PARK7: variants seen among roughly 807,000 people sequenced by gnomAD.
PARK7 encodes Parkinson disease protein 7.
PARK7 carries 14 observed loss-of-function variants against 20.5 expected under a neutral mutation model. The ratio of observed to expected loss-of-function variants is 0.68; its 90% confidence interval spans 0.45 to 1.07. PARK7 has a LOEUF of 1.07. PARK7 is among the 50% of genes least tolerant of loss of function. The pLI, the probability that PARK7 is intolerant of heterozygous loss-of-function variation, is 0.00. For synonymous variants in PARK7, 98 were observed against 84.3 expected (o/e 1.16, Z -0.89); for missense variants, 234 against 238.1 (o/e 0.98, Z 0.11).
At chr1:7,979,643 G>A (rs1045858618) in intron 6 of PARK7, among the ~76,000 whole-genome samples, 2 of 152,032 alleles carry the variant, frequency 1.3e-5, no homozygotes, top group Admixed American at 1.3e-4. Context: ...TGGAACTATG[G>A]GTATGAGCCA....
intron 5 of PARK7, among the ~76,000 whole-genome samples, chr1:7,976,350 T>TA (rs1177967607): frequency 1.3e-5 from 2 of 152,206 alleles, no homozygotes; most frequent in Non-Finnish European, 2.9e-5. Context: ...GAATACTTTG[T>TA]AAAAAGCTTT....
intron 3 of PARK7, 41 bp from the exon 4 acceptor site, chr1:7,969,304 A>G (rs769095331): frequency 7.9e-6 from 12 of 1,521,672 alleles, no homozygotes; most frequent in Admixed American, 1.7e-5. Flanking sequence ...CACAGTTGAA[A>G]TGAAATGTTT....
At chr1:7,974,142 A>AC (rs1377314296) in intron 5 of PARK7, among the ~76,000 whole-genome samples, 2 of 137,956 alleles carry the variant, frequency 1.4e-5, no homozygotes. Context: ...AGACCCCCCC[A>AC]CCGACCTCTA....
chr1:7,974,144 C>A, intron 5 of PARK7, among the ~76,000 whole-genome samples: 1 of 147,842 alleles, frequency 6.8e-6, no homozygotes, highest in South Asian at 2.2e-4. Context: ...ACCCCCCCAC[C>A]GACCTCTACA....
chr1:7,981,432 C>T lies in PARK7; in HGVS notation c.410-3462C>T, dbSNP rs904438225. Among the ~76,000 whole-genome samples the T allele has an allele frequency of 6.6e-5, 10 of 152,326 alleles. No homozygotes were observed. The South Asian group carries it at 1.9e-3, about 28-fold the overall frequency. On this transcript the variant is annotated intron_variant, in intron 6 of 6. Transcript: ENST00000338639. ...CCTGGGATTTGAACCCAGAACTCTG[C>T]TCAGGGGTCAACTGACTGCTCCCCA...
In PARK7 at chr1:7,970,785, A is replaced by G. The variant is rs113745000; in HGVS notation, c.253-109A>G. The G allele has an allele frequency of 3.9e-3, 3,861 of 979,250 alleles. 95 individuals carry two copies. The African/African-American group carries it at 0.052, about 13-fold the overall frequency. The allele number at this position is 979,250 out of a possible 1,614,324, so 60.7% of individuals were successfully genotyped here. On this transcript the variant is annotated intron_variant, in intron 4 of 6. Transcript: ENST00000338639. ...TAGAAATATTGTTGGAAAATAGGTC[A>G]GAGAGCTTGTGGTTTAAACTAAAAT...
Position 7,965,317 on chromosome 1 carries a change from C to A in PARK7, c.91-7C>A. 1.2e-6 allele frequency: 2 copies of A among 1,610,548 alleles called. No individual in the cohort carries two copies. The highest frequency in any genetic ancestry group is 1.7e-6 in the Non-Finnish European group (2 of 1,176,888). On this transcript the variant is annotated splice_region_variant and splice_polypyrimidine_tract_variant and intron_variant, in intron 2 of 6. Transcript: ENST00000338639. ...TGTTCTTAAATATGATAACATCTTT[C>A]TCGTAGATTAAGGTCACCGTTGCAG...
intron 6 of PARK7, among the ~76,000 whole-genome samples, chr1:7,980,098 T>G (rs1640679829): frequency 6.6e-6 from 1 of 150,816 alleles, no homozygotes; most frequent in Non-Finnish European, 1.5e-5. Context: ...GAGGTGGAGC[T>G]TGCAGTGAGC....
rs138655792 is a variant in PARK7, at chr1:7,967,393, C to T, written c.193-1952C>T. Among the ~76,000 whole-genome samples, 50 of 152,226 alleles carry T rather than the reference C, an allele frequency of 3.3e-4. No homozygotes were observed. The Middle Eastern group carries it at 0.014, about 41-fold the overall frequency. Reference sequence around the variant, plus strand: ...AGTAAACAAGGGAGTGCAGGTGTCTCTTCAGTATACTGATTTCCTTTCCAT... The same window carrying T: ...AGTAAACAAGGGAGTGCAGGTGTCTTTTCAGTATACTGATTTCCTTTCCAT... On this transcript the variant is annotated intron_variant, in intron 3 of 6. Transcript: ENST00000338639.
At chr1:7,971,201 TG>T in intron 5 of PARK7, 1 of 567,396 alleles carries the variant, frequency 1.8e-6, no homozygotes, top group South Asian at 1.9e-5. Context: ...TTTCCGTGTT[TG>T]GTTGACCTCG....
chr1:7,975,400 C>T (rs1640561801), intron 5 of PARK7, among the ~76,000 whole-genome samples: 1 of 152,086 alleles, frequency 6.6e-6, no homozygotes, highest in Non-Finnish European at 1.5e-5. Context: ...GTCTTGGCCA[C>T]CTGGAGGAGC....
chr1:7,975,229 T>C (rs1423866358), intron 5 of PARK7, among the ~76,000 whole-genome samples: 1 of 152,134 alleles, frequency 6.6e-6, no homozygotes, highest in Non-Finnish European at 1.5e-5. Flanking sequence ...GTCCTTAATA[T>C]TGAGTGAATG....
In PARK7 at chr1:7,965,313, C is replaced by A; in HGVS notation, c.91-11C>A. 1 of 1,608,926 alleles carries A rather than the reference C, an allele frequency of 6.2e-7. No individual in the cohort carries two copies. Reference sequence around the variant, plus strand: ...TCAGTGTTCTTAAATATGATAACATCTTTCTCGTAGATTAAGGTCACCGTT... The same window carrying A: ...TCAGTGTTCTTAAATATGATAACATATTTCTCGTAGATTAAGGTCACCGTT... On this transcript the variant is annotated splice_polypyrimidine_tract_variant and intron_variant, in intron 2 of 6. Transcript: ENST00000338639.
intron 3 of PARK7, among the ~76,000 whole-genome samples, chr1:7,967,008 CTA>C (rs1640344497): frequency 6.6e-6 from 1 of 152,154 alleles, no homozygotes; most frequent in South Asian, 2.1e-4. Flanking sequence ...ACACCAGAAC[CTA>C]TTCCTCCTAT....
In PARK7 at chr1:7,969,483, T is replaced by TC. The variant is rs141737779; in HGVS notation, c.252+80dup. On this transcript the variant is annotated intron_variant, in intron 4 of 6. Coordinates refer to ENST00000338639, the MANE Select transcript of PARK7 (RefSeq NM_007262.5). Reference sequence around the variant, plus strand: ...AAAGAATTTCAGCATCTGCTTATGTTCTGTTAATTTTGTTATTATTCAAAT... The same window carrying TC: ...AAAGAATTTCAGCATCTGCTTATGTTCCTGTTAATTTTGTTATTATTCAAAT... 25,040 of 981,688 alleles carry TC rather than the reference T, an allele frequency of 0.026. 919 individuals carry two copies. The highest frequency in any genetic ancestry group is 0.098 in the South Asian group (7,010 of 71,356). The allele number at this position is 981,688 out of a possible 1,614,324, so 60.8% of individuals were successfully genotyped here.
At position 7,964,438 on chromosome 1, in the gene PARK7, A is replaced by G. The variant is rs141492675; in HGVS notation, c.91-886A>G. ...TCCTCTGGTTCTCAGAAATGAAGAT[A>G]CATGTCGATTAAGTTTATCCACTTA... On this transcript the variant is annotated intron_variant, in intron 2 of 6. Transcript: ENST00000338639. Among the ~76,000 whole-genome samples the G allele has an allele frequency of 6.1e-3, 922 of 152,324 alleles. 14 individuals carry two copies. Among genetic ancestry groups the G allele is most frequent in the African/African-American group, 0.021 (882 of 41,574 alleles).
rs752054816 is a variant in PARK7 at position 7,977,647 on chromosome 1, C to G, written c.323-5C>G. 4.3e-6 allele frequency: 7 copies of G among 1,612,350 alleles called. No homozygotes were observed. The South Asian group carries it at 6.6e-5, about 15-fold the overall frequency. ...GCACTTAGATCTTTTTATTTTTATT[C>G]TTAGGTCCTACTGCTCTGTTGGCTC... On this transcript the variant is annotated splice_region_variant and splice_polypyrimidine_tract_variant and intron_variant, in intron 5 of 6. Transcript: ENST00000338639.
At chr1:7,974,850 C>CT (rs547673963) in intron 5 of PARK7, among the ~76,000 whole-genome samples, 35,423 of 125,500 alleles carry the variant, frequency 0.28, 5,821 homozygotes, top group East Asian at 0.61. Context: ...AAATAAGATT[C>CT]TTTTTTTTTT....
rs1408681051 is a variant in PARK7 at position 7,973,000 on chromosome 1, C to T, written c.322+2037C>T. Reference sequence around the variant, plus strand: ...GGGCGGCGGAGGTTGCAGTGAGCCGCGATTACGCCACTGCACTCCAGCCTG... The same window carrying T: ...GGGCGGCGGAGGTTGCAGTGAGCCGTGATTACGCCACTGCACTCCAGCCTG... On this transcript the variant is annotated intron_variant, in intron 5 of 6. Coordinates refer to ENST00000338639, the MANE Select transcript of PARK7 (RefSeq NM_007262.5). Among the ~76,000 whole-genome samples the T allele has an allele frequency of 5.3e-5, 8 of 151,682 alleles. No homozygotes were observed. The South Asian group carries it at 6.3e-4, about 12-fold the overall frequency.
Sources: gnomAD v4.1 joint callset for allele counts (sites outside exome capture counted in the v4.1 genomes callset) on GRCh38, gnomAD v4.1.1 for gene constraint, MANE v1.5 for transcripts, NCBI Gene and HGNC (gene_info 2026-07-23, HGNC 2026-07-21) for gene names.